Variants in RBFOX1 observed in about 807,000 individuals in gnomAD.
RBFOX1 encodes RNA binding fox-1 homolog 1.
A neutral mutation model predicts 57.7 loss-of-function variants in RBFOX1; 8 were observed. The ratio of observed to expected loss-of-function variants is 0.14; its 90% CI spans 0.08 to 0.25. The LOEUF (loss-of-function observed/expected upper bound fraction) is 0.25, where lower values mean the gene tolerates loss of function less well. Among genes scored for constraint, RBFOX1 ranks in the 10% least tolerant of loss-of-function variants. The pLI is 1.00. For missense variants in RBFOX1, 611 were observed against 548.5 expected (o/e 1.11, Z -1.14); for synonymous variants, 326 against 222.4 (o/e 1.47, Z -4.15).
chr16:6,899,045 C>A (rs150700650), intron 3 of RBFOX1, among the ~76,000 whole-genome samples: 6 of 150,152 alleles, frequency 4.0e-5, no homozygotes, highest in Non-Finnish European at 7.4e-5. Flanking sequence ...TGTGTGTATG[C>A]ATGTGTATGT....
At chr16:7,232,582 C>T (rs928383186) in intron 4 of RBFOX1, among the ~76,000 whole-genome samples, 2 of 152,228 alleles carry the variant, frequency 1.3e-5, no homozygotes, top group East Asian at 3.9e-4. Flanking sequence ...CGGCTCATGC[C>T]TGTAATCCCA....
intron 4 of RBFOX1, among the ~76,000 whole-genome samples, chr16:7,190,401 C>A (rs183325627): frequency 6.6e-6 from 1 of 152,064 alleles, no homozygotes; most frequent in African/African-American, 2.4e-5. Flanking sequence ...ATAAAACTTC[C>A]CTCATTGTTT....
chr16:7,542,514 A>G (rs1268909711), intron 5 of RBFOX1, among the ~76,000 whole-genome samples: 1 of 151,934 alleles, frequency 6.6e-6, no homozygotes, highest in Non-Finnish European at 1.5e-5. Flanking sequence ...AAGAGAAGAC[A>G]TGAAGGGCGA....
At chr16:5,264,744 C>G (rs935806846) in intron 1 of RBFOX1, among the ~76,000 whole-genome samples, 8 of 152,058 alleles carry the variant, frequency 5.3e-5, no homozygotes, top group South Asian at 2.1e-4. Context: ...AGACTTCTAG[C>G]TAGGAGCTTT....
intron 2 of RBFOX1, among the ~76,000 whole-genome samples, chr16:6,487,144 CTGTGTG>C (rs60180975): frequency 2.1e-3 from 290 of 140,218 alleles, no homozygotes; most frequent in African/African-American, 5.5e-3. Flanking sequence ...TGTGGGGTTT[CTGTGTG>C]TGTGTGTGTG....
At chr16:6,647,114 G>A (rs889016196) in intron 2 of RBFOX1, among the ~76,000 whole-genome samples, 25 of 152,138 alleles carry the variant, frequency 1.6e-4, no homozygotes, top group African/African-American at 5.8e-4. Flanking sequence ...CCCTCTTCCT[G>A]GCTTGTAGTC....
intron 3 of RBFOX1, among the ~76,000 whole-genome samples, chr16:6,743,293 C>T (rs77158694): frequency 6.6e-6 from 1 of 151,978 alleles, no homozygotes; most frequent in Non-Finnish European, 1.5e-5. Flanking sequence ...AATGAAAAAC[C>T]AATAGGTTAT....
At chr16:7,359,892 G>A (rs1320756475) in intron 4 of RBFOX1, among the ~76,000 whole-genome samples, 3 of 152,100 alleles carry the variant, frequency 2.0e-5, no homozygotes, top group African/African-American at 7.2e-5. Flanking sequence ...GCTGAGGCAG[G>A]GGAATGGTGT....
At chr16:5,592,982 C>G (rs1167123320) in intron 2 of RBFOX1, among the ~76,000 whole-genome samples, 4 of 152,126 alleles carry the variant, frequency 2.6e-5, no homozygotes, top group African/African-American at 7.2e-5. Context: ...GAGCTGTGTT[C>G]CCAGATGGTT....
chr16:6,677,686 C>A (rs1275706456), intron 3 of RBFOX1, among the ~76,000 whole-genome samples: 1 of 152,254 alleles, frequency 6.6e-6, no homozygotes, highest in East Asian at 1.9e-4. Flanking sequence ...ACGGCTGTAT[C>A]CATAGACATG....
rs560355467 is a variant in RBFOX1, at chr16:7,679,148, T to C, written c.995+2310T>C. Among the ~76,000 whole-genome samples the C allele has an allele frequency of 4.6e-5, 7 of 152,344 alleles. No homozygotes were observed. The East Asian group carries it at 9.6e-4, about 21-fold the overall frequency. Reference sequence around the variant, plus strand: ...TCTTTAAAGTTGTATTTCTGATGTTTTAAAATGTCTATTAAATGGTGCTAC... The same window carrying C: ...TCTTTAAAGTTGTATTTCTGATGTTCTAAAATGTCTATTAAATGGTGCTAC... On this transcript the variant is annotated intron_variant, in intron 14 of 15. Transcript: ENST00000550418.
At chr16:6,422,166 G>GC (rs549128889) in intron 2 of RBFOX1, among the ~76,000 whole-genome samples, 39 of 151,000 alleles carry the variant, frequency 2.6e-4, no homozygotes, top group African/African-American at 9.5e-4. Flanking sequence ...TACGTAATCT[G>GC]CCACCTTGGC....
At chr16:6,150,189 C>A (rs551889562) in intron 1 of RBFOX1, among the ~76,000 whole-genome samples, 9 of 152,228 alleles carry the variant, frequency 5.9e-5, no homozygotes, top group African/African-American at 2.2e-4. Flanking sequence ...GGAAGCATAT[C>A]GTGAGACCAG....
At chr16:6,802,255 G>A (rs756532616) in intron 3 of RBFOX1, among the ~76,000 whole-genome samples, 4 of 152,066 alleles carry the variant, frequency 2.6e-5, no homozygotes, top group Non-Finnish European at 4.4e-5. Flanking sequence ...AGTCAGTGCC[G>A]AAACAGTAGT....
At chr16:7,161,178 G>C (rs2078249706) in intron 4 of RBFOX1, among the ~76,000 whole-genome samples, 1 of 152,066 alleles carries the variant, frequency 6.6e-6, no homozygotes, top group African/African-American at 2.4e-5. Flanking sequence ...ATTGGAAGTG[G>C]CTATCTGCAG....
At chr16:5,732,156 A>G (rs1395881834) in intron 3 of RBFOX1, among the ~76,000 whole-genome samples, 1 of 152,218 alleles carries the variant, frequency 6.6e-6, no homozygotes, top group Non-Finnish European at 1.5e-5. Flanking sequence ...GCATTTCAGC[A>G]TTTGATAGGA....
intron 4 of RBFOX1, among the ~76,000 whole-genome samples, chr16:7,345,321 G>C (rs955997730): frequency 6.6e-6 from 1 of 152,160 alleles, no homozygotes; most frequent in Non-Finnish European, 1.5e-5. Flanking sequence ...TGAGGGGCCT[G>C]CTCTCGGGGA....
intron 3 of RBFOX1, among the ~76,000 whole-genome samples, chr16:6,693,975 C>A (rs2060647814): frequency 6.6e-6 from 1 of 152,180 alleles, no homozygotes; most frequent in African/African-American, 2.4e-5. Flanking sequence ...GATGACAAAA[C>A]CAAGGTAACT....
At chr16:6,661,799 T>C (rs2098703273) in intron 3 of RBFOX1, among the ~76,000 whole-genome samples, 1 of 152,234 alleles carries the variant, frequency 6.6e-6, no homozygotes, top group African/African-American at 2.4e-5. Context: ...CTTTGAAATG[T>C]TGATTTAGCG....
Sources: allele counts gnomAD v4.1 joint callset (sites outside exome capture counted in the v4.1 genomes callset), GRCh38; gene constraint gnomAD v4.1.1; transcripts MANE v1.5; gene names NCBI Gene and HGNC (gene_info 2026-07-23, HGNC 2026-07-21).